Variants in ANO5 observed in about 807,000 individuals in gnomAD.
ANO5 encodes anoctamin 5, also known as anoctamin-5.
ANO5 carries 109 observed loss-of-function variants against 121.0 expected under a neutral mutation model. The ratio of observed to expected loss-of-function variants is 0.90; its 90% confidence interval spans 0.77 to 1.06. ANO5 has a LOEUF of 1.06. ANO5 is among the 50% of genes least tolerant of loss of function. The pLI, the probability that ANO5 is intolerant of heterozygous loss-of-function variation, is 0.00. For missense variants in ANO5, 1,064 were observed against 1,078.5 expected (o/e 0.99, Z 0.19); for synonymous variants, 406 against 359.9 (o/e 1.13, Z -1.45).
intron 1 of ANO5, among the ~76,000 whole-genome samples, 176 bp downstream of exon 1, chr11:22,193,708 G>C (rs1357511670): frequency 6.6e-6 from 1 of 152,146 alleles, no homozygotes; most frequent in African/African-American, 2.4e-5. Context: ...CCCCCGCCTG[G>C]GGTGAGTGGG....
intron 7 of ANO5, among the ~76,000 whole-genome samples, chr11:22,232,300 T>C (rs2133632132): frequency 6.6e-6 from 1 of 152,128 alleles, no homozygotes; most frequent in East Asian, 1.9e-4. Flanking sequence ...TCCTTGTATA[T>C]GTTTATTGGC....
chr11:22,195,129 T>C (rs1191041825), intron 1 of ANO5, among the ~76,000 whole-genome samples: 2 of 152,190 alleles, frequency 1.3e-5, no homozygotes, highest in African/African-American at 2.4e-5. Context: ...TCCTAGTGGT[T>C]GTAAAGTGGT....
At chr11:22,269,345 G>A (rs55634314) in intron 17 of ANO5, among the ~76,000 whole-genome samples, 1 of 131,136 alleles carries the variant, frequency 7.6e-6, no homozygotes, top group African/African-American at 3.1e-5. Flanking sequence ...GAAGGAAAAG[G>A]GAAGGGAAGG....
intron 9 of ANO5, among the ~76,000 whole-genome samples, chr11:22,240,445 A>G (rs934569478): frequency 1.1e-4 from 17 of 152,010 alleles, no homozygotes; most frequent in African/African-American, 4.1e-4. Context: ...TATCTGTTTC[A>G]TGAGACTGAT....
chr11:22,255,810 G>A (rs149528213), intron 13 of ANO5, among the ~76,000 whole-genome samples: 7 of 152,058 alleles, frequency 4.6e-5, no homozygotes, highest in Non-Finnish European at 8.8e-5. Context: ...GGACAATCTT[G>A]TTTCATTCAT....
intron 2 of ANO5, among the ~76,000 whole-genome samples, chr11:22,210,443 A>G (rs1228708777): frequency 6.6e-6 from 1 of 151,942 alleles, no homozygotes; most frequent in South Asian, 2.1e-4. Context: ...TTTGCCCAGC[A>G]TTATTTGGGC....
At chr11:22,218,209 G>A (rs774530308) in intron 3 of ANO5, 37 bp from the exon 4 acceptor site, 1 of 1,611,514 alleles carries the variant, frequency 6.2e-7, no homozygotes, top group South Asian at 1.1e-5. Context: ...TGTAATTCTG[G>A]GCAGGAAGTG....
chr11:22,270,510 T>G (rs1854571026), intron 18 of ANO5, 68 bp downstream of exon 18: 1 of 1,521,934 alleles, frequency 6.6e-7, no homozygotes, highest in African/African-American at 1.4e-5. Context: ...CTCCAGATAC[T>G]TCTTTCTGCC....
At chr11:22,262,450 C>A in intron 16 of ANO5, 152 bp downstream of exon 16, 1 of 824,306 alleles carries the variant, frequency 1.2e-6, no homozygotes, top group Non-Finnish European at 1.9e-6. Context: ...ACAGATGAAT[C>A]CTGTCATTTG....
At chr11:22,258,746 A>G (rs893420230) in intron 14 of ANO5, among the ~76,000 whole-genome samples, 2 of 152,134 alleles carry the variant, frequency 1.3e-5, no homozygotes, top group African/African-American at 4.8e-5. Flanking sequence ...GTCAGCAAAC[A>G]TTTTCTGTAA....
chr11:22,220,726 T>A (rs1852612951), intron 4 of ANO5, among the ~76,000 whole-genome samples: 1 of 152,052 alleles, frequency 6.6e-6, no homozygotes, highest in Non-Finnish European at 1.5e-5. Flanking sequence ...CTGTAATTAA[T>A]TATACCCCCA....
At chr11:22,218,405 C>A in intron 4 of ANO5, 118 bp downstream of exon 4, 1 of 1,313,722 alleles carries the variant, frequency 7.6e-7, no homozygotes. Context: ...ATTCCTAGTC[C>A]CCAGGCAACT....
rs951624789 is a variant in ANO5 at position 22,225,229 on chromosome 11, G to A, written c.295-755G>A. Among the ~76,000 whole-genome samples the A allele has an allele frequency of 3.3e-5, 5 of 152,152 alleles. No homozygotes were observed. In the East Asian group the frequency reaches 7.8e-4, roughly 24 times the overall value. On this transcript the variant is annotated intron_variant, in intron 5 of 21. Coordinates refer to ENST00000324559, the MANE Select transcript of ANO5 (RefSeq NM_213599.3). ...TCCCAGTGCTTTGGCAGGCTAAGGC[G>A]GGAGGATGAGTTGAGGCCAGGAGTT...
chr11:22,230,872 C>A (rs1479911610), intron 7 of ANO5, among the ~76,000 whole-genome samples: 2 of 152,028 alleles, frequency 1.3e-5, no homozygotes, highest in Non-Finnish European at 2.9e-5. Context: ...CTCTTTGAAT[C>A]TGTCCACTTC....
chr11:22,256,615 A>G (rs1854006853), intron 13 of ANO5, among the ~76,000 whole-genome samples: 1 of 152,226 alleles, frequency 6.6e-6, no homozygotes, highest in South Asian at 2.1e-4. Flanking sequence ...TTAACAGAAA[A>G]AAATGTATTG....
At chr11:22,260,205 A>G (rs889320923) in intron 15 of ANO5, among the ~76,000 whole-genome samples, 2 of 152,174 alleles carry the variant, frequency 1.3e-5, no homozygotes, top group Admixed American at 6.5e-5. Context: ...TAGAATTTGG[A>G]ATATTTTCTT....
chr11:22,264,707 T>C (rs1250043162), intron 17 of ANO5, among the ~76,000 whole-genome samples: 1 of 152,016 alleles, frequency 6.6e-6, no homozygotes, highest in Non-Finnish European at 1.5e-5. Flanking sequence ...ATACTGTCAT[T>C]AAAATAGATC....
chr11:22,266,495 A>G (rs12279541), intron 17 of ANO5, among the ~76,000 whole-genome samples: 20,356 of 152,086 alleles, frequency 0.13, 3,947 homozygotes, highest in African/African-American at 0.42. Context: ...ATCTCATTTT[A>G]GTCTAATTTT....
At chr11:22,275,151 AAG>A (rs1312238215) in intron 20 of ANO5, among the ~76,000 whole-genome samples, 1 of 151,954 alleles carries the variant, frequency 6.6e-6, no homozygotes, top group Non-Finnish European at 1.5e-5. Context: ...GTCCTCAGAA[AAG>A]AGAGTGAGAC....
Sources: gnomAD v4.1 joint callset for allele counts (sites outside exome capture counted in the v4.1 genomes callset) on GRCh38, gnomAD v4.1.1 for gene constraint, MANE v1.5 for transcripts, NCBI Gene and HGNC (gene_info 2026-07-23, HGNC 2026-07-21) for gene names.